VSIG4: variants seen among roughly 807,000 people sequenced by gnomAD.
VSIG4 encodes V-set and immunoglobulin domain-containing protein 4.
Under a neutral mutation model 23.4 loss-of-function variants are expected in VSIG4, and 34 were observed. The ratio of observed to expected loss-of-function variants is 1.45; its 90% confidence interval spans 1.10 to 1.93. The LOEUF (loss-of-function observed/expected upper bound fraction) is 1.93, where lower values mean the gene tolerates loss of function less well. Ranked by LOEUF, VSIG4 falls within the 30% of genes most tolerant of loss-of-function variation. VSIG4 has a pLI of 0.00. For missense variants in VSIG4, 433 were observed against 310.8 expected (o/e 1.39, Z -2.96); for synonymous variants, 169 against 120.3 (o/e 1.41, Z -2.65).
At chrX:66,024,421 C>T (rs1013962094) in intron 6 of VSIG4, among the ~76,000 whole-genome samples, 6 of 111,985 alleles carry the variant, frequency 5.4e-5, no homozygotes, top group African/African-American at 1.9e-4. Flanking sequence ...TGTTGCCCAT[C>T]TACAGAAATT....
rs2085412298 is a variant in VSIG4 at position 66,027,958 on chromosome X, A to G, written c.757+92T>C. 4 of 838,861 alleles carry G rather than the reference A, an allele frequency of 4.8e-6. No homozygotes were observed. The Admixed American group carries it at 9.0e-5, about 19-fold the overall frequency. 69.1% of individuals were successfully genotyped at this position (838,861 alleles called of 1,213,427 possible). On this transcript the variant is annotated intron_variant, in intron 4 of 7. Transcript: ENST00000374737. ...TCTCTGAGGAACCAAGTGACTGTTTATTAGCCATTCCATGGCATTGTGATT... is the reference window on the plus strand; with the variant it reads ...TCTCTGAGGAACCAAGTGACTGTTTGTTAGCCATTCCATGGCATTGTGATT...
chrX:66,038,193 G>A (rs1315011399), intron 1 of VSIG4, among the ~76,000 whole-genome samples: 1 of 111,627 alleles, frequency 9.0e-6, no homozygotes, highest in South Asian at 3.7e-4. Flanking sequence ...GAAGAGGCTA[G>A]CAGCTTACTC....
In VSIG4 at chrX:66,026,034, C is replaced by T. The variant is rs187640461; in HGVS notation, c.836-905G>A. On this transcript the variant is annotated intron_variant, in intron 5 of 7. Transcript: ENST00000374737. ...GTTTGGGGTAAGTTTTTACAGCAGC[C>T]ATGGAAAAATGAATACAGTGACCTT... is the stretch of plus-strand genomic sequence containing the variant. Among the ~76,000 whole-genome samples, 218 of 112,014 alleles carry T rather than the reference C, an allele frequency of 1.9e-3. 1 individual carries two copies. The highest frequency in any genetic ancestry group is 0.019 in the Middle Eastern group (4 of 215).
rs2085666970 is a variant in VSIG4, at chrX:66,040,079, G to A, written c.-81C>T. 2 of 1,027,415 alleles carry A rather than the reference G, an allele frequency of 1.9e-6. No homozygotes were observed. The highest frequency in any genetic ancestry group is 1.9e-5 in the African/African-American group (1 of 53,734). The allele number at this position is 1,027,415 out of a possible 1,213,427, so 84.7% of individuals were successfully genotyped here. A position where few individuals can be genotyped will look rare whatever the true frequency, so the allele number is the denominator to read the frequency against. On this transcript the variant is annotated 5_prime_UTR_variant, in exon 1 of 8. Coordinates refer to ENST00000374737, the MANE Select transcript of VSIG4 (RefSeq NM_007268.3). ...AAACTTCTGGTGGCCGCCAGCGTCTGTGACTGCTTACTTCCCTTCCTTCCC... is the reference window on the plus strand; with the variant it reads ...AAACTTCTGGTGGCCGCCAGCGTCTATGACTGCTTACTTCCCTTCCTTCCC...
chrX:66,031,436 T>A (rs1569241956), intron 3 of VSIG4, among the ~76,000 whole-genome samples: 2 of 109,439 alleles, frequency 1.8e-5, no homozygotes, highest in Non-Finnish European at 3.8e-5. Flanking sequence ...CACTACAGCT[T>A]AACTTTGGGA....
chrX:66,027,436 A>G lies in VSIG4; in HGVS notation c.835+13T>C, dbSNP rs745373673. 1.7e-6 allele frequency: 2 copies of G among 1,191,523 alleles called. No homozygotes were observed. Among genetic ancestry groups the G allele is most frequent in the Non-Finnish European group, 2.3e-6 (2 of 881,916 alleles). ...TCAAGAAGAAAAGATAGAAATCCTG[A>G]CAATATTCCTACCTGGCCCAGCACT... On this transcript the variant is annotated intron_variant, in intron 5 of 7. Transcript: ENST00000374737.
rs41306131 is a variant in VSIG4, at chrX:66,033,612, C to G, written c.274G>C (p.Val92Leu). ...YQGRLHVSHKVPGDVSLQLST... is the reference protein window; with the variant it reads ...YQGRLHVSHKLPGDVSLQLST... ...AATTGGAGGGATACATCTCCTGGAA[C>G]CTTGTGGCTCACATGCAGGCGGCCC... Residue 92 changes from valine to leucine, a missense_variant, in exon 2 of 8, where the codon GTT becomes CTT. By Grantham distance (32) the Val-to-Leu change is conservative. Transcript: ENST00000374737. 8.3e-7 allele frequency: 1 copy of G among 1,211,509 alleles called. No homozygotes were observed. The highest frequency in any genetic ancestry group is 1.8e-5 in the South Asian group (1 of 56,970).
At chrX:66,026,273 G>A (rs895249554) in intron 5 of VSIG4, among the ~76,000 whole-genome samples, 7 of 111,912 alleles carry the variant, frequency 6.3e-5, no homozygotes, top group African/African-American at 9.7e-5. Context: ...CGTGTCCTAG[G>A]AATCCAGTAT....
At chrX:66,027,371 C>T in intron 5 of VSIG4, 78 bp downstream of exon 5, 1 of 852,115 alleles carries the variant, frequency 1.2e-6, no homozygotes, top group Non-Finnish European at 1.7e-6. Flanking sequence ...TGCTGTAGAA[C>T]AGTGTGCATA....
In VSIG4 at chrX:66,021,981, A is replaced by G; in HGVS notation, c.*282T>C. 9.8e-7 allele frequency: 1 copy of G among 1,025,356 alleles called. No individual in the cohort carries two copies. The highest frequency in any genetic ancestry group is 1.9e-5 in the African/African-American group (1 of 53,304). The allele number at this position is 1,025,356 out of a possible 1,213,427, so 84.5% of individuals were successfully genotyped here. On this transcript the variant is annotated 3_prime_UTR_variant, in exon 8 of 8. Coordinates refer to ENST00000374737, the MANE Select transcript of VSIG4 (RefSeq NM_007268.3). ...AATAGTGTCTGTAGGCATGATGACC[A>G]AGTCCTAGTGCTATGGGCATCTTCC...
At chrX:66,023,856 T>C (rs2085360493) in intron 6 of VSIG4, among the ~76,000 whole-genome samples, 1 of 112,217 alleles carries the variant, frequency 8.9e-6, no homozygotes, top group Non-Finnish European at 1.9e-5. Context: ...TGGAAGGTTT[T>C]TGAGAGAGAA....
chrX:66,024,968 G>C, intron 6 of VSIG4, 57 bp downstream of exon 6: 2 of 901,948 alleles, frequency 2.2e-6, no homozygotes, highest in Non-Finnish European at 3.1e-6. Flanking sequence ...TTAGGCTCAA[G>C]TATACTGACA....
At chrX:66,039,792 G>GTT (rs1288509672) in intron 1 of VSIG4, 152 bp downstream of exon 1, 7 of 574,516 alleles carry the variant, frequency 1.2e-5, no homozygotes, top group Non-Finnish European at 1.8e-5. Flanking sequence ...ACATCCATCC[G>GTT]TTTTGCTCAA....
At position 66,033,612 on chromosome X, in the gene VSIG4, C is replaced by A. The variant is rs41306131; in HGVS notation, c.274G>T (p.Val92Phe). The change falls in exon 2 of 8, where the codon GTT becomes TTT. Residue 92 changes from valine to phenylalanine, a missense_variant. Val to Phe is a conservative substitution (Grantham distance 50, BLOSUM62 -1). Transcript: ENST00000374737. ...AATTGGAGGGATACATCTCCTGGAA[C>A]CTTGTGGCTCACATGCAGGCGGCCC... ...YQGRLHVSHKVPGDVSLQLST... is the reference protein window; with the variant it reads ...YQGRLHVSHKFPGDVSLQLST... 10,127 of 1,209,543 alleles carry A rather than the reference C, an allele frequency of 8.4e-3. 26 individuals carry two copies. The highest frequency in any genetic ancestry group is 0.01 in the Non-Finnish European group (9,004 of 895,069).
At chrX:66,028,187 A>AAGT in intron 3 of VSIG4, 75 bp from the exon 4 acceptor site, 2 of 926,393 alleles carry the variant, frequency 2.2e-6, no homozygotes, top group South Asian at 4.0e-5. Context: ...GGGAAATAGG[A>AAGT]AGTAAGTAAA....
At chrX:66,036,805 A>G (rs1482426999) in intron 1 of VSIG4, among the ~76,000 whole-genome samples, 1 of 40,833 alleles carries the variant, frequency 2.4e-5, no homozygotes, top group East Asian at 1.0e-3. Context: ...AATATATTAT[A>G]TAATATTATA....
chrX:66,028,036 C>G lies in VSIG4; in HGVS notation c.757+14G>C. On this transcript the variant is annotated intron_variant, in intron 4 of 7. Coordinates refer to ENST00000374737, the MANE Select transcript of VSIG4 (RefSeq NM_007268.3). ...TGAACCTCTACTACTTCCTCAGACT[C>G]TAGCAAAACTCACCTTTCAAGGGGT... The G allele has an allele frequency of 1.7e-6, 2 of 1,207,514 alleles. No individual in the cohort carries two copies. The highest frequency in any genetic ancestry group is 2.2e-6 in the Non-Finnish European group (2 of 892,027).
chrX:66,032,326 T>G, intron 3 of VSIG4, 142 bp downstream of exon 3: 1 of 757,582 alleles, frequency 1.3e-6, no homozygotes, highest in Non-Finnish European at 1.9e-6. Flanking sequence ...CCAGTCCAAG[T>G]TTTTTTTCTT....
chrX:66,023,354 C>T (rs772749332), intron 6 of VSIG4, among the ~76,000 whole-genome samples: 72 of 111,806 alleles, frequency 6.4e-4, no homozygotes, highest in Non-Finnish European at 9.0e-4. Context: ...ACCATTGCCC[C>T]CTAGTGTCTG....
Sources: gnomAD v4.1 joint callset for allele counts (sites outside exome capture counted in the v4.1 genomes callset) on GRCh38, gnomAD v4.1.1 for gene constraint, MANE v1.5 for transcripts, NCBI Gene and HGNC (gene_info 2026-07-23, HGNC 2026-07-21) for gene names.